The following PDE4D variants were observed in gnomAD, a reference collection of about 807,000 sequenced individuals.
PDE4D encodes the protein 3',5'-cyclic-AMP phosphodiesterase 4D.
PDE4D carries 24 observed loss-of-function variants against 87.4 expected under a neutral mutation model. That is an observed-to-expected ratio of 0.27 (90% CI 0.20 to 0.39). The LOEUF is 0.39. PDE4D is among the 10% of genes least tolerant of loss of function. PDE4D has a pLI of 1.00. For missense variants in PDE4D, 714 were observed against 1,041.0 expected (o/e 0.69, Z 4.32); for synonymous variants, 384 against 383.2 (o/e 1.00, Z -0.02).
At chr5:59,465,771 G>A (rs1055848205) in intron 1 of PDE4D, among the ~76,000 whole-genome samples, 1 of 152,144 alleles carries the variant, frequency 6.6e-6, no homozygotes, top group Non-Finnish European at 1.5e-5. Context: ...TAAAGAAAAA[G>A]ACCATTCATT....
At chr5:59,535,493 C>T (rs547577908) in intron 1 of PDE4D, among the ~76,000 whole-genome samples, 2 of 152,098 alleles carry the variant, frequency 1.3e-5, no homozygotes, top group South Asian at 2.1e-4. Context: ...TACATATTTA[C>T]CTCCTAGGGA....
At chr5:58,978,559 C>T (rs1207146848) in intron 11 of PDE4D, among the ~76,000 whole-genome samples, 1 of 151,968 alleles carries the variant, frequency 6.6e-6, no homozygotes, top group African/African-American at 2.4e-5. Context: ...ATACCCAATA[C>T]TATTCAATGG....
intron 1 of PDE4D, among the ~76,000 whole-genome samples, chr5:59,307,393 C>A (rs1771604341): frequency 2.0e-5 from 3 of 150,908 alleles, no homozygotes; most frequent in Admixed American, 2.0e-4. Context: ...TTCTGCACAG[C>A]AAAAGAAACT....
intron 5 of PDE4D, among the ~76,000 whole-genome samples, chr5:59,114,004 T>G (rs945288443): frequency 6.6e-6 from 1 of 152,198 alleles, no homozygotes; most frequent in South Asian, 2.1e-4. Context: ...ATCACTGATA[T>G]TATATACCCT....
intron 2 of PDE4D, among the ~76,000 whole-genome samples, chr5:60,065,303 G>A (rs929171532): frequency 5.9e-5 from 9 of 151,586 alleles, no homozygotes; most frequent in African/African-American, 1.9e-4. Flanking sequence ...GTTTGTGCAC[G>A]CATGCATCAG....
intron 1 of PDE4D, among the ~76,000 whole-genome samples, chr5:59,493,725 C>T (rs1171841076): frequency 6.6e-6 from 1 of 152,150 alleles, no homozygotes; most frequent in African/African-American, 2.4e-5. Context: ...AGATCAGAAA[C>T]TGAATGAATA....
chr5:59,852,239 G>T (rs1025870119), intron 1 of PDE4D, among the ~76,000 whole-genome samples: 1 of 151,962 alleles, frequency 6.6e-6, no homozygotes, highest in Non-Finnish European at 1.5e-5. Flanking sequence ...ACTCATCTCT[G>T]GGAATTCATT....
chr5:59,999,320 C>T (rs1382735456), intron 2 of PDE4D, among the ~76,000 whole-genome samples: 1 of 151,974 alleles, frequency 6.6e-6, no homozygotes, highest in Non-Finnish European at 1.5e-5. Flanking sequence ...TGATTCAGAG[C>T]ACTAATGGAA....
At chr5:59,321,824 C>A (rs1774776750) in intron 1 of PDE4D, among the ~76,000 whole-genome samples, 1 of 152,018 alleles carries the variant, frequency 6.6e-6, no homozygotes, top group Admixed American at 6.6e-5. Flanking sequence ...TGTCACCGGT[C>A]CCTCTTAAAA....
In PDE4D at chr5:60,507,030, C is replaced by T. The variant is rs375551701; in HGVS notation, n.70+15021G>A. Among the ~76,000 whole-genome samples the T allele has an allele frequency of 2.2e-3, 333 of 152,186 alleles. 1 individual carries two copies. Among genetic ancestry groups the T allele is most frequent in the African/African-American group, 7.7e-3 (321 of 41,530 alleles). On this transcript the variant is annotated intron_variant and non_coding_transcript_variant, in intron 1 of 2. Transcript: ENST00000506510. ...ACAAATTGTGATTATGCTATATATG[C>T]CATGATTATTTTCACATCATGTCTT...
intron 1 of PDE4D, among the ~76,000 whole-genome samples, chr5:59,780,770 T>G (rs899006393): frequency 3.3e-5 from 5 of 152,166 alleles, no homozygotes; most frequent in East Asian, 3.8e-4. Context: ...AGATAAGTAG[T>G]TTTATGTGAA....
In PDE4D at chr5:60,509,087, A is replaced by T. The variant is rs189343384; in HGVS notation, n.70+12964T>A. On this transcript the variant is annotated intron_variant and non_coding_transcript_variant, in intron 1 of 2. Coordinates refer to the PDE4D transcript ENST00000506510. ...GCTGATTTTTATGTTTTTAGTAGAG[A>T]TGGGGTTGCACCATGTTGGCCAGGC... 2.3e-3 allele frequency among the ~76,000 whole-genome samples: 350 copies of T among 152,002 alleles called. 1 individual carries two copies. The highest frequency in any genetic ancestry group is 8.2e-3 in the African/African-American group (341 of 41,450).
chr5:60,170,150 C>T (rs746112551), intron 2 of PDE4D, among the ~76,000 whole-genome samples: 1 of 151,824 alleles, frequency 6.6e-6, no homozygotes, highest in African/African-American at 2.4e-5. Context: ...AATAGCCAAC[C>T]TAGAATATTA....
rs551548665 is a variant in PDE4D, at chr5:59,937,743, C to A, written c.272+50745G>T. On this transcript the variant is annotated intron_variant, in intron 3 of 16. Coordinates refer to the PDE4D transcript ENST00000502484. ...CCTCAACATTTGAATTTGGGGGGAA[C>A]ACAAATCTGTCCATAGCAGTAAGAA... Among the ~76,000 whole-genome samples the A allele has an allele frequency of 3.0e-4, 45 of 152,330 alleles. 1 individual carries two copies. The South Asian group carries it at 9.3e-3, about 32-fold the overall frequency.
intron 2 of PDE4D, among the ~76,000 whole-genome samples, chr5:60,045,430 C>A (rs1473323791): frequency 6.6e-6 from 1 of 152,130 alleles, no homozygotes; most frequent in East Asian, 1.9e-4. Flanking sequence ...GACATGAAGT[C>A]CTTGCCCATG....
intron 1 of PDE4D, chr5:59,314,330 T>C (rs1297185369): frequency 6.6e-6 from 1 of 152,122 alleles, no homozygotes; most frequent in African/African-American, 2.4e-5. Flanking sequence ...TAACCATCTA[T>C]AACATTACAA....
Position 60,016,025 on chromosome 5 carries a change from CTGTGTGTGTG to C in PDE4D, c.43-27318_43-27309del, listed in dbSNP as rs70975359. 1.3e-4 allele frequency among the ~76,000 whole-genome samples: 19 copies of C among 146,804 alleles called. No individual in the cohort carries two copies. The South Asian group carries it at 3.9e-3, about 30-fold the overall frequency. On this transcript the variant is annotated intron_variant, in intron 2 of 16. Transcript: ENST00000502484. Reference sequence around the variant, plus strand: ...AATAATCTCTGTTCTCTCTCTCTCTCTGTGTGTGTGTGTGTGTGTGTGTGTGTTTGTGTGT... The same window carrying C: ...AATAATCTCTGTTCTCTCTCTCTCTCTGTGTGTGTGTGTGTGTTTGTGTGT...
intron 1 of PDE4D, among the ~76,000 whole-genome samples, chr5:59,730,570 A>C (rs552500560): frequency 6.6e-6 from 1 of 152,254 alleles, no homozygotes; most frequent in Admixed American, 6.6e-5. Flanking sequence ...TTTCAGATCA[A>C]AACAGAATTG....
chr5:59,908,510 C>T (rs1438524379), intron 3 of PDE4D, among the ~76,000 whole-genome samples: 1 of 152,140 alleles, frequency 6.6e-6, no homozygotes, highest in Non-Finnish European at 1.5e-5. Context: ...GTCTCCCATT[C>T]TTGATGACTT....
Sources: gnomAD v4.1 joint callset for allele counts (sites outside exome capture counted in the v4.1 genomes callset) on GRCh38, gnomAD v4.1.1 for gene constraint, MANE v1.5 for transcripts, NCBI Gene and HGNC (gene_info 2026-07-23, HGNC 2026-07-21) for gene names.